Variants in SHROOM3 observed in about 807,000 individuals in gnomAD.
The protein encoded by SHROOM3 is shroom family member 3.
A neutral mutation model predicts 138.6 loss-of-function variants in SHROOM3; 47 were observed. The observed-to-expected ratio is 0.34, with a 90% CI of 0.27 to 0.43. The LOEUF is 0.43. SHROOM3 is among the 20% of genes least tolerant of loss of function. SHROOM3 has a pLI of 1.00. For missense variants in SHROOM3, 2,491 were observed against 2,596.5 expected (o/e 0.96, Z 0.88); for synonymous variants, 1,062 against 1,063.3 (o/e 1.00, Z 0.02).
chr4:76,480,108 A>G (rs977067656), intron 1 of SHROOM3, among the ~76,000 whole-genome samples: 1 of 152,248 alleles, frequency 6.6e-6, no homozygotes, highest in East Asian at 1.9e-4. Context: ...TACTGACAGG[A>G]TCAAATTCAC....
At chr4:76,496,870 T>C (rs1222332061) in intron 1 of SHROOM3, among the ~76,000 whole-genome samples, 2 of 152,216 alleles carry the variant, frequency 1.3e-5, no homozygotes. Context: ...CAAAGCACCT[T>C]ATTCCCCTTT....
intron 1 of SHROOM3, among the ~76,000 whole-genome samples, chr4:76,463,988 G>A (rs1039748429): frequency 1.3e-5 from 2 of 152,240 alleles, no homozygotes; most frequent in African/African-American, 4.8e-5. Context: ...GGGAAATGCG[G>A]CATCAGAGTC....
chr4:76,640,302 T>C (rs1735629171), intron 2 of SHROOM3, among the ~76,000 whole-genome samples: 1 of 152,220 alleles, frequency 6.6e-6, no homozygotes, highest in Admixed American at 6.5e-5. Flanking sequence ...ATGATTTCTT[T>C]TCAAACTTGT....
intron 2 of SHROOM3, among the ~76,000 whole-genome samples, chr4:76,621,978 C>T (rs1157825556): frequency 6.6e-6 from 1 of 151,894 alleles, no homozygotes; most frequent in East Asian, 1.9e-4. Flanking sequence ...TTACAGGCAC[C>T]TGCTACCACG....
chr4:76,462,834 T>A (rs887912773), intron 1 of SHROOM3, among the ~76,000 whole-genome samples: 7 of 152,050 alleles, frequency 4.6e-5, no homozygotes, highest in African/African-American at 1.7e-4. Context: ...GATTTTAAAT[T>A]TCCTGAGGCC....
chr4:76,776,555 A>G (rs1160413359), intron 10 of SHROOM3, among the ~76,000 whole-genome samples: 2 of 152,162 alleles, frequency 1.3e-5, no homozygotes, highest in Non-Finnish European at 2.9e-5. Context: ...CTTTCCATCT[A>G]GCTATTTTAG....
At chr4:76,471,534 G>A (rs530618221) in intron 1 of SHROOM3, among the ~76,000 whole-genome samples, 56 of 152,222 alleles carry the variant, frequency 3.7e-4, no homozygotes, top group East Asian at 7.7e-4. Flanking sequence ...GAGCCACCGC[G>A]CCCAGCCAGT....
At chr4:76,557,081 A>T (rs1210068902) in intron 2 of SHROOM3, among the ~76,000 whole-genome samples, 1 of 152,158 alleles carries the variant, frequency 6.6e-6, no homozygotes, top group African/African-American at 2.4e-5. Context: ...TGGCCAAATT[A>T]CTTAACCTCA....
chr4:76,731,550 G>A lies in SHROOM3; in HGVS notation c.587+615G>A, dbSNP rs1312028044. On this transcript the variant is annotated intron_variant, in intron 4 of 10. Transcript: ENST00000296043. ...AATCCCAGCACTTTGGGAGGCCAAG[G>A]AGGGCGGATCACCTGAGGTCAGGAG... 2.0e-5 allele frequency among the ~76,000 whole-genome samples: 3 copies of A among 152,260 alleles called. No homozygotes were observed. The East Asian group carries it at 5.8e-4, about 29-fold the overall frequency.
chr4:76,650,023 T>C (rs1251228724), intron 2 of SHROOM3, among the ~76,000 whole-genome samples: 2 of 152,204 alleles, frequency 1.3e-5, no homozygotes, highest in African/African-American at 4.8e-5. Context: ...CTTCTCCTTA[T>C]GTCCTTACAT....
In SHROOM3 at chr4:76,759,554, C is replaced by A; in HGVS notation, c.5208C>A (p.Asp1736Glu). 2.5e-6 allele frequency: 4 copies of A among 1,614,096 alleles called. No individual in the cohort carries two copies. Among genetic ancestry groups the A allele is most frequent in the Non-Finnish European group, 3.4e-6 (4 of 1,179,966 alleles). Residue 1736 changes from aspartate (D) to glutamate (E), a missense_variant, in exon 9 of 11, where the codon GAC (aspartate) becomes GAA (glutamate). Transcript: ENST00000296043. ...SSGCEGKRNE[D>E]KEAVSMLVNC... ...GCTCTTTTTGGCCCAGGAATGAAGACAAGGAAGCAGTGAGCATGTTGGTTA... is the reference window on the plus strand; with the variant it reads ...GCTCTTTTTGGCCCAGGAATGAAGAAAAGGAAGCAGTGAGCATGTTGGTTA...
chr4:76,654,350 T>C (rs12647024), intron 2 of SHROOM3, among the ~76,000 whole-genome samples: 46,886 of 151,980 alleles, frequency 0.31, 7,350 homozygotes, highest in East Asian at 0.43. Context: ...TGGGGAGCCA[T>C]TGAGAGCCTT....
intron 1 of SHROOM3, among the ~76,000 whole-genome samples, chr4:76,538,745 C>T (rs1470381352): frequency 6.6e-6 from 1 of 152,170 alleles, no homozygotes; most frequent in Non-Finnish European, 1.5e-5. Context: ...TTTGGGGACA[C>T]CATTATCTAC....
chr4:76,600,101 A>G (rs1404864753), intron 2 of SHROOM3, among the ~76,000 whole-genome samples: 1 of 152,194 alleles, frequency 6.6e-6, no homozygotes, highest in Non-Finnish European at 1.5e-5. Flanking sequence ...GCAGTGAGCC[A>G]TGATTGTGCC....
intron 8 of SHROOM3, 154 bp downstream of exon 8, chr4:76,757,091 G>A (rs1721840858): frequency 1.7e-6 from 2 of 1,196,192 alleles, no homozygotes; most frequent in Admixed American, 3.9e-5. Context: ...GAATGGCTCT[G>A]GCAGTGAGGA....
chr4:76,771,846 C>T (rs1391770610), intron 10 of SHROOM3, among the ~76,000 whole-genome samples: 1 of 152,220 alleles, frequency 6.6e-6, no homozygotes, highest in Non-Finnish European at 1.5e-5. Flanking sequence ...TCTTCATCCA[C>T]TCCTCTGTAC....
chr4:76,762,261 G>A (rs1722010377), intron 9 of SHROOM3, among the ~76,000 whole-genome samples: 2 of 152,204 alleles, frequency 1.3e-5, no homozygotes, highest in Admixed American at 1.3e-4. Context: ...GGGTGTAAGA[G>A]CATATAATAT....
chr4:76,643,275 C>T (rs192626397), intron 2 of SHROOM3, among the ~76,000 whole-genome samples: 1 of 151,414 alleles, frequency 6.6e-6, no homozygotes, highest in East Asian at 1.9e-4. Context: ...AAATGCCAGT[C>T]ACTGTTCTAG....
Position 76,739,104 on chromosome 4 carries a change from T to C in SHROOM3, c.931T>C (p.Tyr311His), listed in dbSNP as rs1560607457. 1 of 1,614,212 alleles carries C rather than the reference T, an allele frequency of 6.2e-7. No homozygotes were observed. Among genetic ancestry groups the C allele is most frequent in the Non-Finnish European group, 8.5e-7 (1 of 1,180,032 alleles). The change falls in exon 5 of 11, where the codon TAT (tyrosine) becomes CAT (histidine). Residue 311 changes from tyrosine to histidine, a missense_variant. By Grantham distance (83) the Tyr-to-His change is moderately conservative. This residue lies in a region of SHROOM3 where 1,733 missense variants were observed against 1,661.6 expected (regional missense o/e 1.04). Transcript: ENST00000296043. The stretch of plus-strand genomic sequence containing the variant: ...AGATATTCGCTATGTCAAGACAGTC[T>C]ATGACACCCGGAGGGGAGTCTCAGC... ...QADIRYVKTVYDTRRGVSAEY... is the reference protein window; with the variant it reads ...QADIRYVKTVHDTRRGVSAEY...
Sources: gnomAD v4.1 joint callset for allele counts (sites outside exome capture counted in the v4.1 genomes callset) on GRCh38, gnomAD v4.1.1 for gene constraint, gnomAD v4.1.1 regional missense constraint, MANE v1.5 for transcripts, NCBI Gene and HGNC (gene_info 2026-07-23, HGNC 2026-07-21) for gene names.